SANBR: variants seen among roughly 807,000 people sequenced by gnomAD.
The protein encoded by SANBR is SANT and BTB domain regulator of class switch recombination.
In SANBR, 77 loss-of-function variants were observed where a neutral mutation model predicts 101.8. That is an observed-to-expected ratio of 0.76 (90% CI 0.63 to 0.91). SANBR has a LOEUF of 0.91. Ranked by LOEUF, SANBR falls within the 40% of genes least tolerant of loss-of-function variation. SANBR has a pLI of 0.00. For missense variants in SANBR, 875 were observed against 853.0 expected, an observed-to-expected ratio of 1.03 and a Z score of -0.32; for synonymous variants, 279 against 274.7, an observed-to-expected ratio of 1.02 and a Z score of -0.15.
chr2:61,071,368 G>A (rs1475678914), intron 3 of SANBR, among the ~76,000 whole-genome samples: 1 of 151,964 alleles, frequency 6.6e-6, no homozygotes, highest in Non-Finnish European at 1.5e-5. Flanking sequence ...GACCAATATA[G>A]TGAAACCCCG....
intron 7 of SANBR, among the ~76,000 whole-genome samples, chr2:61,082,419 G>A (rs1682182282): frequency 6.6e-6 from 1 of 152,162 alleles, no homozygotes; most frequent in South Asian, 2.1e-4. Flanking sequence ...ATGTTGTAGA[G>A]GATGGAAGGA....
chr2:61,134,039 C>A, intron 20 of SANBR: 1 of 1,534,868 alleles, frequency 6.5e-7, no homozygotes, highest in Non-Finnish European at 8.9e-7. Context: ...ACCAATTTAT[C>A]CTAACAGCTA....
In SANBR at chr2:61,123,041, A is replaced by C. The variant is rs537598242; in HGVS notation, c.*879A>C. On this transcript the variant is annotated 3_prime_UTR_variant, in exon 22 of 22. Transcript: ENST00000402291. ...TGCTAGTTCGGTCTAAAATTTTCCAAATACATTAGATAGGTGAAAATTTGC... is the reference window on the plus strand; with the variant it reads ...TGCTAGTTCGGTCTAAAATTTTCCACATACATTAGATAGGTGAAAATTTGC... 1.3e-4 allele frequency: 125 copies of C among 976,098 alleles called. No individual in the cohort carries two copies. In the Middle Eastern group the frequency reaches 3.2e-3, roughly 25 times the overall value. The allele number at this position is 976,098 out of a possible 1,614,324, so 60.5% of individuals were successfully genotyped here.
intron 20 of SANBR, among the ~76,000 whole-genome samples, chr2:61,132,524 G>C (rs1684719014): frequency 6.6e-6 from 1 of 152,170 alleles, no homozygotes; most frequent in Non-Finnish European, 1.5e-5. Context: ...AACAACAAAT[G>C]TTGCCAAGGA....
chr2:61,119,924 T>C (rs1378368796), intron 20 of SANBR, among the ~76,000 whole-genome samples: 1 of 152,126 alleles, frequency 6.6e-6, no homozygotes. Flanking sequence ...AGCACGCCAC[T>C]ACACTCCTGC....
intron 20 of SANBR, chr2:61,134,117 T>C: frequency 6.2e-7 from 1 of 1,613,960 alleles, no homozygotes; most frequent in Non-Finnish European, 8.5e-7. Flanking sequence ...AGGGTAGTGT[T>C]ATTATCTGCT....
intron 2 of SANBR, chr2:61,069,806 A>G (rs1164585856): frequency 6.6e-6 from 1 of 152,340 alleles, no homozygotes; most frequent in Non-Finnish European, 1.5e-5. Flanking sequence ...CCCACACCTC[A>G]CAAACAGAAG....
downstream of SANBR, among the ~76,000 whole-genome samples, chr2:61,125,726 A>G (rs1223381127): frequency 6.6e-6 from 1 of 152,192 alleles, no homozygotes; most frequent in Non-Finnish European, 1.5e-5. Context: ...TATTTGTTGA[A>G]TGCTTTGGTT....
intron 8 of SANBR, among the ~76,000 whole-genome samples, chr2:61,087,879 A>T (rs543027705): frequency 6.6e-6 from 1 of 151,964 alleles, no homozygotes; most frequent in East Asian, 1.9e-4. Flanking sequence ...TAAAAAATAA[A>T]ATTTAAAAAT....
In SANBR at chr2:61,071,646, C is replaced by A; in HGVS notation, c.191C>A (p.Ser64Ter). 6.3e-7 allele frequency: 1 copy of A among 1,581,546 alleles called. No homozygotes were observed. Among genetic ancestry groups the A allele is most frequent in the South Asian group, 1.2e-5 (1 of 84,452 alleles). The change falls in exon 4 of 22, where the codon TCG becomes TAG. Residue 64 changes from serine (S) to a stop codon, truncating the protein, a stop_gained. Coordinates refer to ENST00000402291, the MANE Select transcript of SANBR (RefSeq NM_001129993.3). LOFTEE classifies it high-confidence loss of function. ...GATGAATTAAAGAGCAGTGGAAGCT[C>A]GCCTGTTGACAACCAGTATAATTCC... Reference protein sequence around the residue: ...RFDELKSSGSSPVDNQYNSLM... With the variant: ...RFDELKSSGS
chr2:61,089,142 A>G (rs1311177875), intron 10 of SANBR: 11 of 984,570 alleles, frequency 1.1e-5, no homozygotes, highest in Non-Finnish European at 1.3e-5. Flanking sequence ...CTTTCAGGTA[A>G]ATTTTGGTGA....
chr2:61,101,369 T>A (rs1281261174), intron 12 of SANBR, among the ~76,000 whole-genome samples: 1 of 152,172 alleles, frequency 6.6e-6, no homozygotes, highest in Admixed American at 6.5e-5. Context: ...TTGTGGTTAG[T>A]TTGTTTCCAT....
chr2:61,123,551 A>G lies in SANBR; in HGVS notation c.*1389A>G, dbSNP rs1327712708. 2.1e-6 allele frequency: 2 copies of G among 964,350 alleles called. No homozygotes were observed. Among genetic ancestry groups the G allele is most frequent in the African/African-American group, 1.8e-5 (1 of 56,748 alleles). 59.7% of individuals were successfully genotyped at this position (964,350 alleles called of 1,614,324 possible). A position where few individuals can be genotyped will look rare whatever the true frequency, so the allele number is the denominator to read the frequency against. ...TTTTCGAAAGAAAATGTCTTGTAGTACATATTATATGTAAGTACTCTGTTA... is the reference window on the plus strand; with the variant it reads ...TTTTCGAAAGAAAATGTCTTGTAGTGCATATTATATGTAAGTACTCTGTTA... On this transcript the variant is annotated 3_prime_UTR_variant, in exon 22 of 22. Coordinates refer to ENST00000402291, the MANE Select transcript of SANBR (RefSeq NM_001129993.3).
At chr2:61,083,097 C>T in intron 7 of SANBR, 57 bp from the exon 8 acceptor site, 1 of 1,282,954 alleles carries the variant, frequency 7.8e-7, no homozygotes, top group Non-Finnish European at 1.1e-6. Flanking sequence ...AAAGGTATTG[C>T]TATGACATTG....
At chr2:61,135,545 T>C (rs1684816314) in intron 21 of SANBR, among the ~76,000 whole-genome samples, 1 of 152,218 alleles carries the variant, frequency 6.6e-6, no homozygotes, top group Admixed American at 6.5e-5. Context: ...AAAACTATAC[T>C]GTTATGTGAC....
Position 61,071,741 on chromosome 2 carries a change from C to A in SANBR, c.286C>A (p.His96Asn). The A allele has an allele frequency of 6.2e-7, 1 of 1,604,158 alleles. No individual in the cohort carries two copies. Among genetic ancestry groups the A allele is most frequent in the South Asian group, 1.1e-5 (1 of 88,370 alleles). The change falls in exon 4 of 22, where the codon CAT (histidine) becomes AAT (asparagine). Residue 96 changes from histidine to asparagine, a missense_variant. Coordinates refer to ENST00000402291, the MANE Select transcript of SANBR (RefSeq NM_001129993.3). Reference protein sequence around the residue: ...TYIKSSLLDIHGEFQETPVGH... With the variant: ...TYIKSSLLDINGEFQETPVGH... Reference sequence around the variant, plus strand: ...TATCAAATCCTCACTTCTTGACATACATGGAGAATTTCAGGAGACTCCAGT... The same window carrying A: ...TATCAAATCCTCACTTCTTGACATAAATGGAGAATTTCAGGAGACTCCAGT...
chr2:61,129,461 A>G (rs1226816913), intron 20 of SANBR, among the ~76,000 whole-genome samples: 1 of 151,172 alleles, frequency 6.6e-6, no homozygotes, highest in East Asian at 1.9e-4. Flanking sequence ...AAAAACAAGA[A>G]AAAAAGTTAT....
chr2:61,088,518 T>C, intron 10 of SANBR, 50 bp downstream of exon 10: 2 of 1,087,538 alleles, frequency 1.8e-6, no homozygotes, highest in Non-Finnish European at 2.6e-6. Context: ...TATATATATA[T>C]AGTTGTTGTT....
At chr2:61,117,291 A>T in intron 17 of SANBR, 66 bp from the exon 18 acceptor site, 1 of 1,402,026 alleles carries the variant, frequency 7.1e-7, no homozygotes, top group Non-Finnish European at 1.0e-6. Flanking sequence ...TCTTTTTATT[A>T]CTAACTATAG....
Sources: allele counts gnomAD v4.1 joint callset (sites outside exome capture counted in the v4.1 genomes callset), GRCh38; gene constraint gnomAD v4.1.1; transcripts MANE v1.5; gene names NCBI Gene and HGNC (gene_info 2026-07-23, HGNC 2026-07-21).